The following SAP18 variants were observed in gnomAD, a reference collection of about 807,000 sequenced individuals.
SAP18 encodes the protein Sin3A associated protein 18.
In SAP18, 4 loss-of-function variants were observed where a neutral mutation model predicts 18.6. The ratio of observed to expected loss-of-function variants is 0.21; its 90% CI spans 0.11 to 0.49. SAP18 has a LOEUF of 0.49. Among genes scored for constraint, SAP18 ranks in the 20% least tolerant of loss-of-function variants. The pLI is 0.98. For missense variants in SAP18, 170 were observed against 226.4 expected (o/e 0.75, Z 1.60); for synonymous variants, 112 against 82.8 (o/e 1.35, Z -1.92).
At chr13:21,140,709 G>A (rs372783758) in intron 1 of SAP18, 28 bp downstream of exon 1, 2 of 1,604,290 alleles carry the variant, frequency 1.2e-6, no homozygotes, top group Admixed American at 1.7e-5. Context: ...TTTGGGGTCC[G>A]GGAAGAGGTT....
chr13:21,142,906 C>T lies in SAP18; in HGVS notation c.239+1911C>T, dbSNP rs558121427. ...GCCTATTAATAATTTCCCATTCCTC[C>T]CCTGCCCCATCCCCTGGTAGCCTCT... On this transcript the variant is annotated intron_variant, in intron 2 of 3. Transcript: ENST00000621421. Among the ~76,000 whole-genome samples, 14 of 152,314 alleles carry T rather than the reference C, an allele frequency of 9.2e-5. No individual in the cohort carries two copies. In the South Asian group the frequency reaches 1.4e-3, roughly 16 times the overall value.
At chr13:21,147,081 G>C (rs3742222) in intron 3 of SAP18, 105 bp from the exon 4 acceptor site, 970,935 of 1,434,184 alleles carry the variant, frequency 0.68, 330,897 homozygotes, top group East Asian at 0.8. Flanking sequence ...AATTTTGGAA[G>C]TGTGTTATAA....
chr13:21,147,215 G>T (rs768222752), exon 4 of SAP18: 1 of 1,613,542 alleles, frequency 6.2e-7, no homozygotes, highest in Admixed American at 1.7e-5. Flanking sequence ...ACCATGTCTG[G>T]CAGAAAGGGG....
chr13:21,147,979 T>C (rs969599522), exon 4 of SAP18: 2 of 152,048 alleles, frequency 1.3e-5, no homozygotes, highest in Admixed American at 1.3e-4. Context: ...AGGGTTTGGG[T>C]AGAGGTAGAA....
intron 2 of SAP18, among the ~76,000 whole-genome samples, chr13:21,144,069 A>G (rs930513130): frequency 2.6e-5 from 4 of 152,208 alleles, no homozygotes; most frequent in African/African-American, 9.6e-5. Context: ...ACCAAAGTCA[A>G]TCAGGGCTCA....
intron 2 of SAP18, chr13:21,146,585 CTAAT>C (rs1278795165): frequency 5.6e-6 from 2 of 354,072 alleles, no homozygotes; most frequent in Non-Finnish European, 1.0e-5. Flanking sequence ...CACTAAGAGT[CTAAT>C]TAATTGAAAT....
At chr13:21,147,429 A>T in exon 4 of SAP18, 1 of 1,230,166 alleles carries the variant, frequency 8.1e-7, no homozygotes, top group Non-Finnish European at 1.1e-6. Flanking sequence ...ATTGCCATTA[A>T]GCCTTTAAAT....
At chr13:21,140,711 G>A (rs760702593) in intron 1 of SAP18, 30 bp downstream of exon 1, 16 of 1,603,990 alleles carry the variant, frequency 1.0e-5, no homozygotes, top group South Asian at 4.5e-5. Context: ...TGGGGTCCGG[G>A]AAGAGGTTGG....
At chr13:21,140,598 C>G (rs998156028) in exon 1 of SAP18, 3 of 1,610,884 alleles carry the variant, frequency 1.9e-6, no homozygotes, top group Non-Finnish European at 2.5e-6. Flanking sequence ...TCTCGCAGGC[C>G]GTAGGAGGAA....
At chr13:21,146,885 A>G (rs770685260) in exon 3 of SAP18, 16 of 1,613,236 alleles carry the variant, frequency 9.9e-6, no homozygotes, top group African/African-American at 4.0e-5. Flanking sequence ...ACTCACTTCA[A>G]TTTTGCAATC....
chr13:21,141,963 G>A (rs1447962566), intron 2 of SAP18, among the ~76,000 whole-genome samples: 3 of 151,022 alleles, frequency 2.0e-5, no homozygotes, highest in Middle Eastern at 3.4e-3. Context: ...ACTGCGCCCA[G>A]CCTAAAATAA....
In SAP18 at chr13:21,142,389, T is replaced by C. The variant is rs143098026; in HGVS notation, c.239+1394T>C. On this transcript the variant is annotated intron_variant, in intron 2 of 3. Transcript: ENST00000621421. ...TCACCCAGGCTGGAGTGCAGTGGCG[T>C]GATCTCAGCTCACTGCAACCTCTGC... Among the ~76,000 whole-genome samples, 1,222 of 151,626 alleles carry C rather than the reference T, an allele frequency of 8.1e-3. 16 individuals are homozygous for C. Among genetic ancestry groups the C allele is most frequent in the African/African-American group, 0.028 (1,142 of 41,406 alleles).
intron 2 of SAP18, among the ~76,000 whole-genome samples, chr13:21,144,583 C>T (rs1328483560): frequency 6.6e-6 from 1 of 152,002 alleles, no homozygotes; most frequent in Admixed American, 6.6e-5. Context: ...ATAGGATAGA[C>T]CTCTGAATTT....
chr13:21,144,173 G>A (rs1869560985), intron 2 of SAP18, among the ~76,000 whole-genome samples: 1 of 152,098 alleles, frequency 6.6e-6, no homozygotes, highest in Non-Finnish European at 1.5e-5. Flanking sequence ...TTGGGAGGCC[G>A]AGGTGGGCGG....
exon 1 of SAP18, chr13:21,140,645 T>C (rs1243392844): frequency 3.1e-6 from 5 of 1,612,626 alleles, no homozygotes; most frequent in Non-Finnish European, 4.2e-6. Context: ...AGGAGGAAAT[T>C]AAGAAGGAGC....
chr13:21,146,781 A>G, intron 2 of SAP18, 24 bp from the exon 3 acceptor site: 4 of 1,559,398 alleles, frequency 2.6e-6, no homozygotes, highest in Non-Finnish European at 2.6e-6. Context: ...GCAAATGTAA[A>G]TGTCTTTTTT....
chr13:21,143,201 C>T (rs1326562512), intron 2 of SAP18, among the ~76,000 whole-genome samples: 2 of 152,112 alleles, frequency 1.3e-5, no homozygotes, highest in Non-Finnish European at 2.9e-5. Context: ...GTGTTTGTGT[C>T]GCTGCTTTCA....
chr13:21,148,416 A>G (rs1019308110), exon 4 of SAP18: 1 of 152,164 alleles, frequency 6.6e-6, no homozygotes, highest in Non-Finnish European at 1.5e-5. Flanking sequence ...AAGTTTATGA[A>G]CAGTACGACA....
chr13:21,144,406 A>G (rs1269243519), intron 2 of SAP18, among the ~76,000 whole-genome samples: 9 of 9,920 alleles, frequency 9.1e-4, no homozygotes, highest in Non-Finnish European at 3.0e-3. Context: ...ACTCCATCTC[A>G]AAAAAAAAAA....
Sources: allele counts gnomAD v4.1 joint callset (sites outside exome capture counted in the v4.1 genomes callset), GRCh38; gene constraint gnomAD v4.1.1; transcripts MANE v1.5; gene names NCBI Gene and HGNC (gene_info 2026-07-23, HGNC 2026-07-21).